Variants in COX5A observed in about 807,000 individuals in gnomAD.
COX5A encodes the protein cytochrome c oxidase subunit 5A, mitochondrial.
A neutral mutation model predicts 16.1 loss-of-function variants in COX5A; 6 were observed. The ratio of observed to expected loss-of-function variants is 0.37; its 90% CI spans 0.20 to 0.73. The LOEUF (loss-of-function observed/expected upper bound fraction) is 0.73. Among genes scored for constraint, COX5A ranks in the 30% least tolerant of loss-of-function variants. COX5A has a pLI of 0.50. For missense variants in COX5A, 159 were observed against 194.9 expected, an observed-to-expected ratio of 0.82 and a Z score of 1.10; for synonymous variants, 73 against 73.8, an observed-to-expected ratio of 0.99 and a Z score of 0.06.
intron 1 of COX5A, 177 bp downstream of exon 1, chr15:74,937,738 C>T (rs751449255): frequency 1.5e-5 from 6 of 394,258 alleles, no homozygotes; most frequent in Non-Finnish European, 2.6e-5. Context: ...GCCCCGGGGG[C>T]GCGCTTTCAG....
intron 1 of COX5A, among the ~76,000 whole-genome samples, chr15:74,931,744 G>A (rs984864275): frequency 1.3e-5 from 2 of 151,906 alleles, no homozygotes; most frequent in Non-Finnish European, 2.9e-5. Context: ...AGTAGAGACG[G>A]GATTTCACCA....
In COX5A at chr15:74,923,655, G is replaced by C. The variant is rs139899263; in HGVS notation, c.*2C>G. Reference sequence around the variant, plus strand: ...CAGTGGTTTGTCGCTTACCCATGCGGTTTACACTTTGTCAAGGCCCAGTTC... The same window carrying C: ...CAGTGGTTTGTCGCTTACCCATGCGCTTTACACTTTGTCAAGGCCCAGTTC... On this transcript the variant is annotated 3_prime_UTR_variant, in exon 4 of 5. Coordinates refer to ENST00000322347, the MANE Select transcript of COX5A (RefSeq NM_004255.4). 645 of 1,595,388 alleles carry C rather than the reference G, an allele frequency of 4.0e-4. 4 individuals carry two copies. The African/African-American group carries it at 7.4e-3, about 18-fold the overall frequency.
intron 3 of COX5A, among the ~76,000 whole-genome samples, chr15:74,925,200 T>G (rs2065337990): frequency 6.6e-6 from 1 of 151,488 alleles, no homozygotes. Flanking sequence ...CTCGGGAGGC[T>G]GAGGCAGAAG....
chr15:74,928,628 G>A (rs1022696109), intron 2 of COX5A, among the ~76,000 whole-genome samples: 3 of 152,104 alleles, frequency 2.0e-5, no homozygotes, highest in Non-Finnish European at 4.4e-5. Context: ...CTCGTGATCC[G>A]CCCACCCTGG....
At chr15:74,930,784 G>A (rs1216350541) in intron 1 of COX5A, among the ~76,000 whole-genome samples, 2 of 149,590 alleles carry the variant, frequency 1.3e-5, no homozygotes, top group Non-Finnish European at 3.0e-5. Context: ...TTGGGAGGCC[G>A]AGATGGGCAG....
chr15:74,934,239 A>G (rs887287963), intron 1 of COX5A, among the ~76,000 whole-genome samples: 1 of 151,944 alleles, frequency 6.6e-6, no homozygotes, highest in Non-Finnish European at 1.5e-5. Flanking sequence ...ATAGAGCAAC[A>G]CTCTATATCA....
At chr15:74,925,157 T>C (rs926239542) in intron 3 of COX5A, among the ~76,000 whole-genome samples, 2 of 151,876 alleles carry the variant, frequency 1.3e-5, no homozygotes, top group Admixed American at 1.3e-4. Context: ...ACCCCGTCTC[T>C]TAAAATACAA....
intron 1 of COX5A, 79 bp downstream of exon 1, chr15:74,937,836 G>T: frequency 1.1e-6 from 1 of 907,306 alleles, no homozygotes; most frequent in Non-Finnish European, 1.4e-6. Flanking sequence ...GCCGGGGAGA[G>T]CCCGCCCCGG....
chr15:74,930,264 A>G (rs1232436397), intron 1 of COX5A, among the ~76,000 whole-genome samples: 1 of 151,826 alleles, frequency 6.6e-6, no homozygotes, highest in Non-Finnish European at 1.5e-5. Context: ...CTAAAAGTAT[A>G]AAAATTAGCT....
chr15:74,934,053 C>CT (rs1206050856), intron 1 of COX5A, among the ~76,000 whole-genome samples: 1 of 152,140 alleles, frequency 6.6e-6, no homozygotes, highest in East Asian at 1.9e-4. Flanking sequence ...GATGCCAGGA[C>CT]TGAGAGACCA....
chr15:74,926,167 G>T (rs1188402522), intron 3 of COX5A, among the ~76,000 whole-genome samples: 1 of 151,320 alleles, frequency 6.6e-6, no homozygotes, highest in African/African-American at 2.4e-5. Flanking sequence ...AGCCTCCTGA[G>T]TAGCTGGGAC....
chr15:74,920,415 A>G lies in COX5A; in HGVS notation c.*37T>C, dbSNP rs1376673153. The G allele has an allele frequency of 2.9e-6, 2 of 697,394 alleles. No homozygotes were observed. The highest frequency in any genetic ancestry group is 2.6e-6 in the Non-Finnish European group (1 of 383,352). 43.2% of individuals were successfully genotyped at this position (697,394 alleles called of 1,614,324 possible). A position where few individuals can be genotyped will look rare whatever the true frequency, so the allele number is the denominator to read the frequency against. On this transcript the variant is annotated 3_prime_UTR_variant, in exon 5 of 5. Coordinates refer to ENST00000322347, the MANE Select transcript of COX5A (RefSeq NM_004255.4). ...GGTAACTGTTCACACTCAAGTAGCA[A>G]TGTCAATAAATCCTTGGGGAAGCCC...
At position 74,923,695 on chromosome 15, in the gene COX5A, T is replaced by C; in HGVS notation, c.415A>G (p.Ile139Val). The change falls in exon 4 of 5, where the codon ATC (isoleucine) becomes GTC (valine). Residue 139 changes from isoleucine to valine, a missense_variant. Physicochemically the swap from Ile to Val is conservative, Grantham distance 29. Coordinates refer to ENST00000322347, the MANE Select transcript of COX5A (RefSeq NM_004255.4). ...ELRPTLNELG[I>V]STPEELGLDK... ...AGGCCCAGTTCCTCCGGAGTGGAGA[T>C]TCCCAGTTCATTTAAAGTTGGTCTA... is the stretch of plus-strand genomic sequence containing the variant. 2 of 1,611,808 alleles carry C rather than the reference T, an allele frequency of 1.2e-6. No individual in the cohort carries two copies. The highest frequency in any genetic ancestry group is 1.7e-6 in the Non-Finnish European group (2 of 1,179,668).
chr15:74,927,950 G>A (rs146502654), intron 2 of COX5A, among the ~76,000 whole-genome samples: 6 of 152,126 alleles, frequency 3.9e-5, no homozygotes, highest in Non-Finnish European at 8.8e-5. Context: ...AAAATGATTG[G>A]GCATGATTAC....
chr15:74,929,682 C>G (rs1164842168), intron 1 of COX5A, among the ~76,000 whole-genome samples: 6 of 152,042 alleles, frequency 3.9e-5, no homozygotes, highest in African/African-American at 1.4e-4. Context: ...GAAGATTACC[C>G]GAGCCCAGGA....
intron 4 of COX5A, among the ~76,000 whole-genome samples, chr15:74,922,418 CAA>C (rs1344333204): frequency 6.6e-6 from 1 of 151,584 alleles, no homozygotes; most frequent in East Asian, 1.9e-4. Context: ...AAGTAGATTA[CAA>C]AGTTTTCAGC....
chr15:74,933,501 C>T (rs1209957408), intron 1 of COX5A, among the ~76,000 whole-genome samples: 6 of 151,968 alleles, frequency 3.9e-5, no homozygotes, highest in Non-Finnish European at 8.8e-5. Flanking sequence ...ATCTAATGCA[C>T]TATTATCAAG....
rs550076595 is a variant in COX5A, at chr15:74,924,816, C to A, written c.340-1046G>T. On this transcript the variant is annotated intron_variant, in intron 3 of 4. Transcript: ENST00000322347. ...CTGAATGGATTGATAGCCTACAGAA[C>A]CCTTAATTATCTTACCCATTATAGA... Among the ~76,000 whole-genome samples, 6 of 152,302 alleles carry A rather than the reference C, an allele frequency of 3.9e-5. No individual in the cohort carries two copies. In the South Asian group the frequency reaches 1.2e-3, roughly 32 times the overall value.
Position 74,937,932 on chromosome 15 carries a change from G to A in COX5A, c.83C>T (p.Thr28Ile), listed in dbSNP as rs901520274. ...DPRGLLHSAR[T>I]PGPAVAIQSV... Reference sequence around the variant, plus strand: ...GGCCTTACCCACGGCGGGGCCGGGGGTCCGGGCGGAGTGCAGGAGGCCTCG... The same window carrying A: ...GGCCTTACCCACGGCGGGGCCGGGGATCCGGGCGGAGTGCAGGAGGCCTCG... Residue 28 changes from threonine (T) to isoleucine (I), a missense_variant, in exon 1 of 5, where the codon ACC (threonine) becomes ATC (isoleucine). Physicochemically the swap from Thr to Ile is moderately conservative, Grantham distance 89. Transcript: ENST00000322347. 6 of 1,232,220 alleles carry A rather than the reference G, an allele frequency of 4.9e-6. No homozygotes were observed. Among genetic ancestry groups the A allele is most frequent in the African/African-American group, 4.7e-5 (3 of 64,324 alleles). 76.3% of individuals were successfully genotyped at this position (1,232,220 alleles called of 1,614,324 possible). A position where few individuals can be genotyped will look rare whatever the true frequency, so the allele number is the denominator to read the frequency against.
Sources: allele counts gnomAD v4.1 joint callset (sites outside exome capture counted in the v4.1 genomes callset), GRCh38; gene constraint gnomAD v4.1.1; transcripts MANE v1.5; gene names NCBI Gene and HGNC (gene_info 2026-07-23, HGNC 2026-07-21).